Variants in ARHGAP8 observed in about 807,000 individuals in gnomAD.
ARHGAP8 encodes Rho GTPase activating protein 8.
In ARHGAP8, 62 loss-of-function variants were observed where a neutral mutation model predicts 46.1. The ratio of observed to expected loss-of-function variants is 1.34; its 90% CI spans 1.10 to 1.66. The LOEUF is 1.66. Ranked by LOEUF, ARHGAP8 falls within the 40% of genes most tolerant of loss-of-function variation. The probability of loss-of-function intolerance (pLI) is 0.00; values close to 1 mark genes in which losing one functional copy is unlikely to be tolerated. For missense variants in ARHGAP8, 923 were observed against 568.4 expected (o/e 1.62, Z -6.34); for synonymous variants, 375 against 243.1 (o/e 1.54, Z -5.05).
In ARHGAP8 at chr22:44,845,387, G is replaced by A. The variant is rs781240864; in HGVS notation, c.670+45G>A. ...AGCTGGATGACGTGAGGGCTGCTGG[G>A]TGCACCTCTCTGGGTGGTTTGTCTT... On this transcript the variant is annotated intron_variant, in intron 8 of 11. Coordinates refer to ENST00000356099, the MANE Select transcript of ARHGAP8 (RefSeq NM_181335.3). The A allele has an allele frequency of 4.3e-6, 7 of 1,612,426 alleles. No individual in the cohort carries two copies. The African/African-American group carries it at 8.0e-5, about 18-fold the overall frequency.
At chr22:44,859,189 A>C (rs1462315991) in intron 10 of ARHGAP8, among the ~76,000 whole-genome samples, 1 of 152,166 alleles carries the variant, frequency 6.6e-6, no homozygotes, top group African/African-American at 2.4e-5. Flanking sequence ...AGGTGATGAT[A>C]GGGCTTGGAT....
At chr22:44,789,393 C>T (rs541628281) in intron 2 of ARHGAP8, among the ~76,000 whole-genome samples, 19 of 152,158 alleles carry the variant, frequency 1.2e-4, no homozygotes, top group East Asian at 9.7e-4. Flanking sequence ...TCAGGTGATC[C>T]GCCCGCCTCA....
At chr22:44,837,628 G>A (rs937549455) in intron 7 of ARHGAP8, among the ~76,000 whole-genome samples, 3 of 152,140 alleles carry the variant, frequency 2.0e-5, no homozygotes, top group African/African-American at 7.2e-5. Context: ...GAGTCCCCTG[G>A]GGTCATTGCT....
intron 3 of ARHGAP8, among the ~76,000 whole-genome samples, chr22:44,803,205 T>A (rs940265778): frequency 3.3e-5 from 5 of 152,102 alleles, no homozygotes; most frequent in African/African-American, 4.8e-5. Context: ...AGGGGGTGCC[T>A]GGGCCCCATG....
Position 44,829,230 on chromosome 22 carries a change from T to C in ARHGAP8, c.596+3637T>C, listed in dbSNP as rs375243456. 3.3e-5 allele frequency among the ~76,000 whole-genome samples: 5 copies of C among 149,902 alleles called. No homozygotes were observed. In the East Asian group the frequency reaches 5.9e-4, roughly 18 times the overall value. On this transcript the variant is annotated intron_variant, in intron 7 of 11. Coordinates refer to ENST00000356099, the MANE Select transcript of ARHGAP8 (RefSeq NM_181335.3). ...TGCTTGAACCTGGGAGGCGGAGGTT[T>C]CAGTGAGCCGAGATTTTGCCACTGC...
In ARHGAP8 at chr22:44,835,771, T is replaced by C. The variant is rs143963942; in HGVS notation, c.597-9498T>C. ...AGCAAGCAGGACCATGTGGCCCTTT[T>C]AGTTTCTCCTTATCTCCCAGAGCCA... On this transcript the variant is annotated intron_variant, in intron 7 of 11. Transcript: ENST00000356099. 3.3e-3 allele frequency among the ~76,000 whole-genome samples: 497 copies of C among 152,320 alleles called. 2 individuals are homozygous for C. The highest frequency in any genetic ancestry group is 4.7e-3 in the Admixed American group (72 of 15,296).
At chr22:44,848,275 C>T (rs1307284952) in intron 9 of ARHGAP8, among the ~76,000 whole-genome samples, 2 of 152,232 alleles carry the variant, frequency 1.3e-5, no homozygotes, top group African/African-American at 4.8e-5. Flanking sequence ...ATGGTGGCCG[C>T]ATGATGCCAT....
intron 2 of ARHGAP8, among the ~76,000 whole-genome samples, chr22:44,797,841 T>C (rs1277041312): frequency 1.3e-5 from 2 of 152,122 alleles, no homozygotes; most frequent in Non-Finnish European, 2.9e-5. Flanking sequence ...AGGGTCTCAC[T>C]CTGTTGCCCA....
At chr22:44,824,295 GC>G (rs780858332) in intron 6 of ARHGAP8, among the ~76,000 whole-genome samples, 11 of 152,222 alleles carry the variant, frequency 7.2e-5, no homozygotes, top group Non-Finnish European at 1.6e-4. Flanking sequence ...TCTCTGGGGA[GC>G]CACTTGGGGC....
chr22:44,834,867 C>G lies in ARHGAP8; in HGVS notation c.596+9274C>G, dbSNP rs141900733. ...ATAAAAAAAATGTCCTTCCTTGCCACTAGTAACAATTTTTGTGTTAAAGTC... is the reference window on the plus strand; with the variant it reads ...ATAAAAAAAATGTCCTTCCTTGCCAGTAGTAACAATTTTTGTGTTAAAGTC... On this transcript the variant is annotated intron_variant, in intron 7 of 11. Transcript: ENST00000356099. Among the ~76,000 whole-genome samples the G allele has an allele frequency of 3.4e-3, 519 of 152,128 alleles. 5 individuals are homozygous for G. Among genetic ancestry groups the G allele is most frequent in the African/African-American group, 0.012 (490 of 41,488 alleles).
At chr22:44,838,462 C>T (rs1931437127) in intron 7 of ARHGAP8, among the ~76,000 whole-genome samples, 1 of 152,124 alleles carries the variant, frequency 6.6e-6, no homozygotes, top group South Asian at 2.1e-4. Flanking sequence ...GTAGTAGAAA[C>T]AGGGTTTCTC....
intron 10 of ARHGAP8, chr22:44,850,903 G>A (rs1483819644): frequency 1.6e-5 from 2 of 123,616 alleles, no homozygotes; most frequent in Non-Finnish European, 3.2e-5. Context: ...GGCAGAGGTT[G>A]TAGTGAGCCA....
chr22:44,843,178 A>G (rs1931763765), intron 7 of ARHGAP8, among the ~76,000 whole-genome samples: 1 of 152,200 alleles, frequency 6.6e-6, no homozygotes, highest in Non-Finnish European at 1.5e-5. Context: ...CTTGCCCACC[A>G]CATTATTTCC....
chr22:44,843,695 C>A (rs752051983), intron 7 of ARHGAP8, among the ~76,000 whole-genome samples: 7 of 151,920 alleles, frequency 4.6e-5, no homozygotes, highest in African/African-American at 9.7e-5. Flanking sequence ...CATGGTGGCA[C>A]ATGCCTGTAG....
At chr22:44,786,343 G>A (rs113393878) in intron 1 of ARHGAP8, 114 bp from the exon 2 acceptor site, 35 of 1,376,116 alleles carry the variant, frequency 2.5e-5, no homozygotes, top group Middle Eastern at 2.4e-4. Context: ...GGTAGGGCGC[G>A]TAGTGGGTGT....
At chr22:44,808,659 T>G in intron 4 of ARHGAP8, 1 of 870,812 alleles carries the variant, frequency 1.1e-6, no homozygotes, top group South Asian at 1.4e-5. Context: ...TTTCTTTCTT[T>G]CTTTTTTTTA....
At chr22:44,800,030 A>AGGCACGGAGGATGGTCTGCAGG (rs144363007) in intron 2 of ARHGAP8, among the ~76,000 whole-genome samples, 11,386 of 146,086 alleles carry the variant, frequency 0.078, 910 homozygotes, top group African/African-American at 0.2. Context: ...CTGTGTCTGC[A>AGGCACGGAGGATGGTCTGCAGG]GGCACGGAGG....
At chr22:44,778,919 T>C (rs1169557466) in intron 1 of ARHGAP8, among the ~76,000 whole-genome samples, 1 of 146,452 alleles carries the variant, frequency 6.8e-6, no homozygotes, top group Non-Finnish European at 1.5e-5. Flanking sequence ...CACACAGATA[T>C]AAAACAAACA....
chr22:44,816,152 G>A (rs1213697363), intron 5 of ARHGAP8, among the ~76,000 whole-genome samples: 1 of 94,022 alleles, frequency 1.1e-5, no homozygotes, highest in Non-Finnish European at 2.3e-5. Flanking sequence ...CCTTCCACTT[G>A]TTGAAGCCCA....
Sources: allele counts gnomAD v4.1 joint callset (sites outside exome capture counted in the v4.1 genomes callset), GRCh38; gene constraint gnomAD v4.1.1; transcripts MANE v1.5; gene names NCBI Gene and HGNC (gene_info 2026-07-23, HGNC 2026-07-21).